Variants in CMTM8 observed in about 807,000 individuals in gnomAD.
CMTM8 encodes the protein CKLF like MARVEL transmembrane domain containing 8.
In CMTM8, 12 loss-of-function variants were observed where a neutral mutation model predicts 18.6. The ratio of observed to expected loss-of-function variants is 0.65; its 90% CI spans 0.41 to 1.05. CMTM8 has a LOEUF of 1.05. Among genes scored for constraint, CMTM8 ranks in the 50% least tolerant of loss-of-function variants. The pLI is 0.00. For missense variants in CMTM8, 217 were observed against 227.2 expected (o/e 0.95, Z 0.29); for synonymous variants, 87 against 90.6 (o/e 0.96, Z 0.23).
chr3:32,252,179 G>T (rs1454759339), intron 1 of CMTM8, among the ~76,000 whole-genome samples: 1 of 152,160 alleles, frequency 6.6e-6, no homozygotes, highest in Admixed American at 6.5e-5. Context: ...TTACCCAAGT[G>T]GATATCCAGT....
intron 1 of CMTM8, among the ~76,000 whole-genome samples, chr3:32,338,024 G>A (rs553432190): frequency 3.8e-5 from 5 of 133,024 alleles, no homozygotes; most frequent in East Asian, 2.3e-4. Context: ...TCACTCTGTC[G>A]CCAGGCTGGA....
chr3:32,294,587 A>G (rs1448396938), intron 1 of CMTM8, among the ~76,000 whole-genome samples: 6 of 152,106 alleles, frequency 3.9e-5, no homozygotes, highest in Admixed American at 3.3e-4. Flanking sequence ...CAGTTTTCTC[A>G]TCTATAAAAT....
chr3:32,363,235 A>G (rs1474699696), intron 2 of CMTM8, among the ~76,000 whole-genome samples: 1 of 152,188 alleles, frequency 6.6e-6, no homozygotes, highest in Non-Finnish European at 1.5e-5. Flanking sequence ...CACCTGTTCT[A>G]TAAGATCACC....
At chr3:32,341,089 T>C (rs1696482346) in intron 1 of CMTM8, among the ~76,000 whole-genome samples, 1 of 152,270 alleles carries the variant, frequency 6.6e-6, no homozygotes, top group African/African-American at 2.4e-5. Flanking sequence ...TTCCATGTAC[T>C]TGTCCTTCAC....
At chr3:32,249,346 C>G (rs1702085531) in intron 1 of CMTM8, among the ~76,000 whole-genome samples, 1 of 151,290 alleles carries the variant, frequency 6.6e-6, no homozygotes, top group African/African-American at 2.4e-5. Flanking sequence ...GGGGGGATCA[C>G]TTGAGCCAGG....
intron 1 of CMTM8, among the ~76,000 whole-genome samples, chr3:32,288,537 A>G (rs987790136): frequency 3.3e-5 from 5 of 150,362 alleles, no homozygotes; most frequent in Admixed American, 6.6e-5. Flanking sequence ...GTCTTGCTCT[A>G]TCACCCAGGC....
chr3:32,253,461 C>T (rs1484393995), intron 1 of CMTM8, among the ~76,000 whole-genome samples: 1 of 151,572 alleles, frequency 6.6e-6, no homozygotes, highest in South Asian at 2.1e-4. Flanking sequence ...TCTCCTGCCT[C>T]AGCCTCCCTA....
At chr3:32,345,601 A>T (rs73069447) in intron 1 of CMTM8, among the ~76,000 whole-genome samples, 8,218 of 152,262 alleles carry the variant, frequency 0.054, 264 homozygotes, top group African/African-American at 0.063. Flanking sequence ...GTTGGAAAAG[A>T]AACCTTAGGT....
At chr3:32,354,047 T>C (rs928171591) in intron 1 of CMTM8, among the ~76,000 whole-genome samples, 1 of 152,032 alleles carries the variant, frequency 6.6e-6, no homozygotes, top group Non-Finnish European at 1.5e-5. Flanking sequence ...CCTCCCAAAG[T>C]GCTGGGATTT....
intron 1 of CMTM8, among the ~76,000 whole-genome samples, chr3:32,352,889 T>A (rs1335820768): frequency 1.4e-5 from 2 of 138,892 alleles, no homozygotes; most frequent in Non-Finnish European, 3.2e-5. Context: ...TTTTTTTTTT[T>A]AATCAGGTTT....
intron 1 of CMTM8, among the ~76,000 whole-genome samples, chr3:32,297,277 CAA>C (rs1168449882): frequency 1.3e-5 from 2 of 152,262 alleles, no homozygotes; most frequent in Non-Finnish European, 1.5e-5. Flanking sequence ...CTCCTGGGTT[CAA>C]GTGATTCTCC....
chr3:32,350,261 G>A (rs1007705275), intron 1 of CMTM8, among the ~76,000 whole-genome samples: 1 of 151,564 alleles, frequency 6.6e-6, no homozygotes, highest in African/African-American at 2.4e-5. Context: ...ACTTTGCAGT[G>A]AAGTTGGTTT....
chr3:32,280,846 C>CAA (rs60845487), intron 1 of CMTM8, among the ~76,000 whole-genome samples: 716 of 68,054 alleles, frequency 0.011, 20 homozygotes, highest in African/African-American at 0.034. Flanking sequence ...AGAAAATAGG[C>CAA]AAAAAAAAAA....
intron 1 of CMTM8, among the ~76,000 whole-genome samples, chr3:32,240,261 C>T (rs191791937): frequency 6.6e-6 from 1 of 152,156 alleles, no homozygotes; most frequent in Admixed American, 6.5e-5. Flanking sequence ...TCTATGAAGC[C>T]CCTGGTGGTC....
chr3:32,352,463 G>A (rs1428803174), intron 1 of CMTM8, among the ~76,000 whole-genome samples: 13 of 152,162 alleles, frequency 8.5e-5, no homozygotes, highest in Non-Finnish European at 8.8e-5. Flanking sequence ...ACAGGCAAGC[G>A]GTAGGCCTAG....
At chr3:32,349,634 A>G (rs1281966683) in intron 1 of CMTM8, among the ~76,000 whole-genome samples, 9 of 152,158 alleles carry the variant, frequency 5.9e-5, no homozygotes, top group Admixed American at 5.2e-4. Context: ...AGCTGCTGGC[A>G]TCAAGTACGT....
chr3:32,317,623 CAAAGTGTCGTGTGT>C (rs1192220298), intron 1 of CMTM8, among the ~76,000 whole-genome samples: 9 of 152,156 alleles, frequency 5.9e-5, no homozygotes, highest in Admixed American at 5.9e-4. Context: ...TAAACACATA[CAAAGTGTCGTGTGT>C]AAAGGTGATA....
chr3:32,259,281 CA>C, intron 1 of CMTM8: 1 of 654,038 alleles, frequency 1.5e-6, no homozygotes. Context: ...GGCTGGAGAG[CA>C]AAATCCCCTG....
At chr3:32,364,107 A>G (rs980538273) in intron 2 of CMTM8, among the ~76,000 whole-genome samples, 7 of 152,206 alleles carry the variant, frequency 4.6e-5, no homozygotes, top group Non-Finnish European at 1.0e-4. Flanking sequence ...GCAGTGGCTC[A>G]TGCCTTGTAA....
Sources: allele counts gnomAD v4.1 joint callset (sites outside exome capture counted in the v4.1 genomes callset), GRCh38; gene constraint gnomAD v4.1.1; transcripts MANE v1.5; gene names NCBI Gene and HGNC (gene_info 2026-07-23, HGNC 2026-07-21).